Variants in NLRP11 observed in about 807,000 individuals in gnomAD.
The protein encoded by NLRP11 is NACHT, LRR and PYD domains-containing protein 11.
Under a neutral mutation model 79.3 loss-of-function variants are expected in NLRP11, and 53 were observed. The observed-to-expected ratio is 0.67, with a 90% CI of 0.54 to 0.84. The LOEUF is 0.84. Ranked by LOEUF, NLRP11 falls within the 40% of genes least tolerant of loss-of-function variation. NLRP11 has a pLI of 0.00. For missense variants in NLRP11, 1,264 were observed against 1,255.0 expected (o/e 1.01, Z -0.11); for synonymous variants, 518 against 462.6 (o/e 1.12, Z -1.54).
At chr19:55,790,705 TAGTCCTAGCTACTCAGG>T (rs1990185557) in intron 7 of NLRP11, among the ~76,000 whole-genome samples, 1 of 152,244 alleles carries the variant, frequency 6.6e-6, no homozygotes, top group Admixed American at 6.5e-5. Flanking sequence ...TGCATTCCTG[TAGTCCTAGCTACTCAGG>T]AGGCTGAGAC....
intron 3 of NLRP11, among the ~76,000 whole-genome samples, chr19:55,808,342 T>A (rs531871689): frequency 7.5e-4 from 115 of 152,368 alleles, no homozygotes; most frequent in African/African-American, 2.5e-3. Context: ...ATACAAGGTT[T>A]ATTTCTTTTT....
At chr19:55,822,247 G>C (rs887422945) in intron 1 of NLRP11, among the ~76,000 whole-genome samples, 9 of 149,708 alleles carry the variant, frequency 6.0e-5, no homozygotes, top group Non-Finnish European at 1.0e-4. Context: ...CTGGGAAACA[G>C]AGCAAGACTC....
chr19:55,786,832 G>A (rs1989908768), intron 9 of NLRP11, among the ~76,000 whole-genome samples: 1 of 152,258 alleles, frequency 6.6e-6, no homozygotes, highest in South Asian at 2.1e-4. Flanking sequence ...GGTGAGAAGA[G>A]CCCTGGGGAG....
In NLRP11 at chr19:55,794,157, A is replaced by G. The variant is rs556614733; in HGVS notation, c.2343-1686T>C. Among the ~76,000 whole-genome samples, 147 of 152,346 alleles carry G rather than the reference A, an allele frequency of 9.6e-4. 1 individual carries two copies. The highest frequency in any genetic ancestry group is 3.4e-3 in the African/African-American group (140 of 41,574). On this transcript the variant is annotated intron_variant, in intron 6 of 9. Coordinates refer to ENST00000589093, the Ensembl canonical transcript of NLRP11. ...CAATCTAAGGTGATAAAAATGTTCT[A>G]AAATTATATTGTAGTGTTGTACAAC...
In NLRP11 at chr19:55,809,115, G is replaced by T; in HGVS notation, c.1495C>A (p.Leu499Ile). 6.2e-7 allele frequency: 1 copy of T among 1,613,830 alleles called. No individual in the cohort carries two copies. Among genetic ancestry groups the T allele is most frequent in the Non-Finnish European group, 8.5e-7 (1 of 1,179,980 alleles). ...AGAATCTTTCTCCTGTTTGCATTTA[G>T]AAGACCAAAAATGAAAGTAAACACT... Residue 499 changes from leucine (L) to isoleucine (I), a missense_variant, in exon 3 of 10, where the codon CTA (leucine) becomes ATA (isoleucine). By Grantham distance (5) the Leu-to-Ile change is conservative. Coordinates refer to ENST00000589093, the Ensembl canonical transcript of NLRP11. The surrounding 1 kb of genome is among the most constrained non-coding windows in gnomAD (Gnocchi z 4.5).
chr19:55,818,087 G>A (rs1463404250), exon 2 of NLRP11: 1 of 1,614,032 alleles, frequency 6.2e-7, no homozygotes, highest in Non-Finnish European at 8.5e-7. Context: ...TTGCGTGCCA[G>A]ATACTTCTTA....
In NLRP11 at chr19:55,796,007, C is replaced by T. The variant is rs1410952828; in HGVS notation, c.2342+73G>A. 3.7e-6 allele frequency: 5 copies of T among 1,359,706 alleles called. No homozygotes were observed. The Admixed American group carries it at 5.4e-5, about 15-fold the overall frequency. 84.2% of individuals were successfully genotyped at this position (1,359,706 alleles called of 1,614,324 possible). A position where few individuals can be genotyped will look rare whatever the true frequency, so the allele number is the denominator to read the frequency against. ...TTTGCTGTCCCTTTCCCCACCACTGCTCTTTGATCATGTGCTTAGATATTC... is the reference window on the plus strand; with the variant it reads ...TTTGCTGTCCCTTTCCCCACCACTGTTCTTTGATCATGTGCTTAGATATTC... On this transcript the variant is annotated intron_variant, in intron 6 of 9. Transcript: ENST00000589093.
intron 9 of NLRP11, among the ~76,000 whole-genome samples, chr19:55,788,001 C>T (rs746677480): frequency 3.9e-5 from 6 of 152,274 alleles, no homozygotes; most frequent in Middle Eastern, 3.4e-3. Flanking sequence ...ATCTCAAGGA[C>T]GACCAACTAA....
chr19:55,809,023 C>T lies in NLRP11; in HGVS notation c.1587G>A (p.Met529Ile). The change falls in exon 3 of 10, where the codon ATG becomes ATA. Residue 529 changes from methionine (M) to isoleucine (I), a missense_variant. Transcript: ENST00000589093. The surrounding 1 kb of genome is among the most constrained non-coding windows in gnomAD (Gnocchi z 4.5). ...TTTCCGGGTCACGGTCCAAATGTTT[C>T]ATGTATCCCACCGAGTACCACTTGA... 1 of 1,614,142 alleles carries T rather than the reference C, an allele frequency of 6.2e-7. No individual in the cohort carries two copies. Among genetic ancestry groups the T allele is most frequent in the Non-Finnish European group, 8.5e-7 (1 of 1,180,018 alleles).
At chr19:55,833,989 A>G (rs1600211800), upstream of NLRP11, among the ~76,000 whole-genome samples, 1 of 152,068 alleles carries the variant, frequency 6.6e-6, no homozygotes, top group East Asian at 1.9e-4. Context: ...CCTTAGAGAA[A>G]AATAATTACA....
At position 55,818,272 on chromosome 19, in the gene NLRP11, A is replaced by G. The variant is rs1981342615; in HGVS notation, c.-62-36T>C. 5 of 920,224 alleles carry G rather than the reference A, an allele frequency of 5.4e-6. No homozygotes were observed. The East Asian group carries it at 1.0e-4, about 19-fold the overall frequency. 57.0% of individuals were successfully genotyped at this position (920,224 alleles called of 1,614,324 possible). A position where few individuals can be genotyped will look rare whatever the true frequency, so the allele number is the denominator to read the frequency against. On this transcript the variant is annotated intron_variant, in intron 1 of 9. Coordinates refer to ENST00000589093, the Ensembl canonical transcript of NLRP11. ...ATGTGGAATCAGACAATCAAACCAC[A>G]CAGTAATGCCAATTCATCCAAAGCT...
chr19:55,792,225 C>A, intron 7 of NLRP11, 76 bp downstream of exon 7: 3 of 1,301,428 alleles, frequency 2.3e-6, no homozygotes, highest in South Asian at 1.3e-5. Flanking sequence ...GGAATCTTAT[C>A]CCTGCCACCA....
chr19:55,794,013 G>A (rs559762279), intron 6 of NLRP11, among the ~76,000 whole-genome samples: 18 of 152,186 alleles, frequency 1.2e-4, no homozygotes, highest in South Asian at 2.1e-4. Context: ...TTTCTTTCAC[G>A]TTCTTAGGCT....
At chr19:55,788,501 G>A (rs1990021051) in intron 9 of NLRP11, among the ~76,000 whole-genome samples, 1 of 151,482 alleles carries the variant, frequency 6.6e-6, no homozygotes, top group Admixed American at 6.6e-5. Context: ...AGCACTTCGG[G>A]AGGCCAAGGT....
At chr19:55,793,756 T>C (rs1978527673) in intron 6 of NLRP11, among the ~76,000 whole-genome samples, 1 of 151,978 alleles carries the variant, frequency 6.6e-6, no homozygotes, top group Non-Finnish European at 1.5e-5. Context: ...GGAAAATGTA[T>C]ATGTAGTTAT....
intron 4 of NLRP11, among the ~76,000 whole-genome samples, chr19:55,807,332 A>T (rs888271207): frequency 6.6e-6 from 1 of 152,152 alleles, no homozygotes; most frequent in African/African-American, 2.4e-5. Context: ...TTAGGCAAGT[A>T]CAGCTGCTTT....
chr19:55,802,196 GC>G (rs1223008057), intron 4 of NLRP11, among the ~76,000 whole-genome samples: 13 of 150,908 alleles, frequency 8.6e-5, no homozygotes, highest in Admixed American at 2.0e-4. Flanking sequence ...GAAATAAATG[GC>G]ATCCAAATAG....
At chr19:55,786,873 A>C (rs902622536) in intron 9 of NLRP11, among the ~76,000 whole-genome samples, 1 of 152,226 alleles carries the variant, frequency 6.6e-6, no homozygotes, top group Non-Finnish European at 1.5e-5. Context: ...AATTTGGAAA[A>C]TTTGTAATGT....
At chr19:55,822,898 G>C (rs978040645) in intron 1 of NLRP11, among the ~76,000 whole-genome samples, 13 of 152,218 alleles carry the variant, frequency 8.5e-5, no homozygotes, top group Non-Finnish European at 1.9e-4. Flanking sequence ...GCTGGAACTG[G>C]GGGGAGCCCA....
Sources: gnomAD v4.1 joint callset for allele counts (sites outside exome capture counted in the v4.1 genomes callset) on GRCh38, gnomAD v4.1.1 for gene constraint, Gnocchi (gnomAD v3.1) non-coding constraint, MANE v1.5 for transcripts, NCBI Gene and HGNC (gene_info 2026-07-23, HGNC 2026-07-21) for gene names.